The following LURAP1L variants were observed in gnomAD, a reference collection of about 807,000 sequenced individuals.
LURAP1L encodes leucine rich adaptor protein 1 like, also known as leucine rich adaptor protein 1-like.
Under a neutral mutation model 13.8 loss-of-function variants are expected in LURAP1L, and 12 were observed. The ratio of observed to expected loss-of-function variants is 0.87; its 90% CI spans 0.56 to 1.41. The LOEUF (loss-of-function observed/expected upper bound fraction) is 1.41, where lower values mean the gene tolerates loss of function less well. Among genes scored for constraint, LURAP1L ranks in the 40% most tolerant of loss-of-function variants. The pLI is 0.00. For synonymous variants in LURAP1L, 139 were observed against 119.2 expected (o/e 1.17, Z -1.08); for missense variants, 375 against 292.9 (o/e 1.28, Z -2.04).
chr9:12,786,819 C>G (rs1819362685), intron 1 of LURAP1L, among the ~76,000 whole-genome samples: 1 of 151,636 alleles, frequency 6.6e-6, no homozygotes, highest in Non-Finnish European at 1.5e-5. Context: ...AATGTGACCT[C>G]TCTTTGCTGG....
At chr9:12,796,282 G>A (rs552821997) in intron 1 of LURAP1L, among the ~76,000 whole-genome samples, 2 of 151,916 alleles carry the variant, frequency 1.3e-5, no homozygotes, top group Admixed American at 1.3e-4. Context: ...AAAGAAGAGT[G>A]ACCAAAAAAA....
intron 1 of LURAP1L, among the ~76,000 whole-genome samples, chr9:12,813,194 CAGG>C (rs1451877807): frequency 6.6e-6 from 1 of 152,052 alleles, no homozygotes; most frequent in Non-Finnish European, 1.5e-5. Flanking sequence ...GTTAAATTTT[CAGG>C]AGTTTTGTGA....
Position 12,822,894 on chromosome 9 carries a change from A to G in LURAP1L, c.*1134A>G, listed in dbSNP as rs528125671. ...TCTTTGTAATGATAAATGTTTCCGG[A>G]CTAAACACTCTATAATACAAATCAA... On this transcript the variant is annotated 3_prime_UTR_variant, in exon 2 of 2. Coordinates refer to ENST00000319264, the MANE Select transcript of LURAP1L (RefSeq NM_203403.2). Among the ~76,000 whole-genome samples, 15 of 152,192 alleles carry G rather than the reference A, an allele frequency of 9.9e-5. No individual in the cohort carries two copies. The highest frequency in any genetic ancestry group is 2.2e-4 in the Non-Finnish European group (15 of 68,026).
At chr9:12,794,604 T>G (rs748586273) in intron 1 of LURAP1L, among the ~76,000 whole-genome samples, 1 of 152,026 alleles carries the variant, frequency 6.6e-6, no homozygotes, top group Non-Finnish European at 1.5e-5. Context: ...ACACATGAAA[T>G]TAATTTTGCC....
intron 1 of LURAP1L, among the ~76,000 whole-genome samples, chr9:12,793,459 A>G (rs1819471289): frequency 6.6e-6 from 1 of 151,928 alleles, no homozygotes. Flanking sequence ...CCTGCTAGGC[A>G]TTTTTTGGAC....
intron 1 of LURAP1L, among the ~76,000 whole-genome samples, chr9:12,820,585 C>T (rs890507733): frequency 2.7e-5 from 4 of 146,618 alleles, no homozygotes; most frequent in Non-Finnish European, 5.9e-5. Context: ...CATCTGGTAT[C>T]CCACTTTTGA....
chr9:12,803,536 T>C (rs1256028839), intron 1 of LURAP1L, among the ~76,000 whole-genome samples: 1 of 152,202 alleles, frequency 6.6e-6, no homozygotes. Flanking sequence ...AAATATCTTT[T>C]TAAGTTATTT....
At chr9:12,803,283 A>G (rs73403686) in intron 1 of LURAP1L, among the ~76,000 whole-genome samples, 19,745 of 152,192 alleles carry the variant, frequency 0.13, 1,438 homozygotes, top group South Asian at 0.24. Flanking sequence ...GAACCAAGAC[A>G]TTTTCAGGCT....
chr9:12,776,494 T>TG (rs1381186948), intron 1 of LURAP1L, among the ~76,000 whole-genome samples: 1 of 152,020 alleles, frequency 6.6e-6, no homozygotes, highest in Non-Finnish European at 1.5e-5. Flanking sequence ...GCAGGGTCCT[T>TG]GCAGCCTTTC....
Position 12,775,839 on chromosome 9 carries a change from C to G in LURAP1L, c.124C>G (p.Pro42Ala). 6.3e-7 allele frequency: 1 copy of G among 1,599,052 alleles called. No individual in the cohort carries two copies. The highest frequency in any genetic ancestry group is 8.5e-7 in the Non-Finnish European group (1 of 1,174,016). Residue 42 changes from proline (P) to alanine (A), a missense_variant, in exon 1 of 2, where the codon CCC (proline) becomes GCC (alanine). Coordinates refer to ENST00000319264, the MANE Select transcript of LURAP1L (RefSeq NM_203403.2). ...GGTTCCCAGGGAAAGGGACAGGGAC[C>G]CCTGCGGGGGGAGCGGTGGTGGTGG... ...EPVPRERDRD[P>A]CGGSGGGGGG...
At chr9:12,790,533 A>G (rs1029215081) in intron 1 of LURAP1L, 6 of 152,136 alleles carry the variant, frequency 3.9e-5, no homozygotes, top group African/African-American at 1.4e-4. Flanking sequence ...TTAAAGAAAG[A>G]CTAAAATATA....
intron 1 of LURAP1L, among the ~76,000 whole-genome samples, chr9:12,801,948 C>G (rs1819591746): frequency 6.6e-6 from 1 of 152,156 alleles, no homozygotes; most frequent in Non-Finnish European, 1.5e-5. Context: ...TACAAATTAA[C>G]TCTTTCTGAA....
intron 1 of LURAP1L, among the ~76,000 whole-genome samples, chr9:12,816,162 T>G (rs1470735713): frequency 6.6e-6 from 1 of 152,222 alleles, no homozygotes; most frequent in East Asian, 1.9e-4. Context: ...AGACTCTTCC[T>G]ATTAAATTAA....
rs1403809830 is a variant in LURAP1L, at chr9:12,820,507, C to T, written c.313-879C>T. Among the ~76,000 whole-genome samples the T allele has an allele frequency of 1.9e-3, 144 of 77,388 alleles. 7 individuals carry two copies. The highest frequency in any genetic ancestry group is 5.7e-3 in the African/African-American group (139 of 24,430). 50.8% of individuals were successfully genotyped at this position (77,388 alleles called of 152,430 possible). A position where few individuals can be genotyped will look rare whatever the true frequency, so the allele number is the denominator to read the frequency against. ...GACAGATCGAGACTCCGTCCCCCCC[C>T]CCCCCCCAAAAAAAAAAAAGGACCA... On this transcript the variant is annotated intron_variant, in intron 1 of 1. Transcript: ENST00000319264.
intron 1 of LURAP1L, among the ~76,000 whole-genome samples, chr9:12,805,533 A>G (rs534084628): frequency 6.6e-6 from 1 of 152,192 alleles, no homozygotes; most frequent in Non-Finnish European, 1.5e-5. Context: ...TCTCCTTTTC[A>G]GTGAAAAATG....
At chr9:12,809,744 G>GTT (rs1819711434) in intron 1 of LURAP1L, among the ~76,000 whole-genome samples, 1 of 152,112 alleles carries the variant, frequency 6.6e-6, no homozygotes, top group Non-Finnish European at 1.5e-5. Context: ...TTAGTGCAAG[G>GTT]TTTTATATTT....
At chr9:12,786,152 C>G (rs1819347087) in intron 1 of LURAP1L, among the ~76,000 whole-genome samples, 1 of 151,844 alleles carries the variant, frequency 6.6e-6, no homozygotes, top group Admixed American at 6.6e-5. Context: ...CATGCCTCAC[C>G]CACTTATGAG....
At chr9:12,778,391 A>G (rs560754372) in intron 1 of LURAP1L, among the ~76,000 whole-genome samples, 1 of 152,236 alleles carries the variant, frequency 6.6e-6, no homozygotes, top group African/African-American at 2.4e-5. Context: ...TCTTGTTAAC[A>G]TAGGAATAAG....
At chr9:12,818,428 C>G (rs1185402075) in intron 1 of LURAP1L, among the ~76,000 whole-genome samples, 1 of 152,186 alleles carries the variant, frequency 6.6e-6, no homozygotes, top group Admixed American at 6.5e-5. Flanking sequence ...CCAATTATGA[C>G]TATTTCCAAA....
Sources: gnomAD v4.1 joint callset for allele counts (sites outside exome capture counted in the v4.1 genomes callset) on GRCh38, gnomAD v4.1.1 for gene constraint, MANE v1.5 for transcripts, NCBI Gene and HGNC (gene_info 2026-07-23, HGNC 2026-07-21) for gene names.